The following CAPZA1 variants were observed in gnomAD, a reference collection of about 807,000 sequenced individuals.
CAPZA1 encodes F-actin-capping protein subunit alpha-1.
Under a neutral mutation model 40.8 loss-of-function variants are expected in CAPZA1, and 10 were observed. The ratio of observed to expected loss-of-function variants is 0.25; its 90% CI spans 0.15 to 0.42. The LOEUF (loss-of-function observed/expected upper bound fraction) is 0.42, where lower values mean the gene tolerates loss of function less well. CAPZA1 is among the 10% of genes least tolerant of loss of function. The probability of loss-of-function intolerance (pLI) is 1.00; values close to 1 mark genes in which losing one functional copy is unlikely to be tolerated. For missense variants in CAPZA1, 277 were observed against 353.8 expected (o/e 0.78, Z 1.74); for synonymous variants, 98 against 115.0 (o/e 0.85, Z 0.95).
intron 1 of CAPZA1, among the ~76,000 whole-genome samples, chr1:112,630,883 C>CT (rs886426792): frequency 1.1e-4 from 16 of 152,208 alleles, no homozygotes; most frequent in African/African-American, 3.6e-4. Context: ...AGCCAAGGTG[C>CT]TTACTGTATG....
intron 3 of CAPZA1, among the ~76,000 whole-genome samples, chr1:112,650,937 T>C (rs1671375641): frequency 6.6e-6 from 1 of 152,250 alleles, no homozygotes; most frequent in Admixed American, 6.5e-5. Context: ...TTATAGACTA[T>C]AGGTTCTTGG....
chr1:112,626,156 CA>C, intron 1 of CAPZA1: 1 of 152,270 alleles, frequency 6.6e-6, no homozygotes, highest in South Asian at 2.1e-4. Context: ...CTCTACTTCT[CA>C]AAGGGGTAGA....
intron 8 of CAPZA1, among the ~76,000 whole-genome samples, chr1:112,668,527 C>T (rs1469448989): frequency 1.3e-5 from 2 of 152,128 alleles, no homozygotes; most frequent in African/African-American, 2.4e-5. Context: ...AAGTTTCGCT[C>T]TTGTTGCCCA....
rs35996522 is a variant in CAPZA1, at chr1:112,652,479, C to CAA, written c.156-1103_156-1102dup. ...GGGCAACAAGAGCTAAACTCCATCT[C>CAA]AAAAAAAAAAAAAAAAAGCTTTAAA... On this transcript the variant is annotated intron_variant, in intron 3 of 9. Coordinates refer to ENST00000263168, the MANE Select transcript of CAPZA1 (RefSeq NM_006135.3). Among the ~76,000 whole-genome samples, 371 of 73,262 alleles carry CAA rather than the reference C, an allele frequency of 5.1e-3. 2 individuals are homozygous for CAA. The highest frequency in any genetic ancestry group is 0.018 in the East Asian group (58 of 3,302). 48.1% of individuals were successfully genotyped at this position (73,262 alleles called of 152,430 possible). A position where few individuals can be genotyped will look rare whatever the true frequency, so the allele number is the denominator to read the frequency against.
At chr1:112,626,644 G>T (rs936359446) in intron 1 of CAPZA1, among the ~76,000 whole-genome samples, 1 of 152,040 alleles carries the variant, frequency 6.6e-6, no homozygotes, top group East Asian at 1.9e-4. Context: ...TTTCACTCAG[G>T]ACCTTTTTTT....
At chr1:112,660,405 C>T (rs1055279403) in intron 7 of CAPZA1, among the ~76,000 whole-genome samples, 6 of 152,268 alleles carry the variant, frequency 3.9e-5, no homozygotes, top group African/African-American at 9.6e-5. Context: ...CTCGGCCTCC[C>T]GAGTAGCTGG....
Position 112,653,591 on chromosome 1 carries a change from A to G in CAPZA1, c.156-7A>G, listed in dbSNP as rs756490681. 182 of 1,552,348 alleles carry G rather than the reference A, an allele frequency of 1.2e-4. No individual in the cohort carries two copies. Among genetic ancestry groups the G allele is most frequent in the Non-Finnish European group, 1.6e-4 (180 of 1,149,810 alleles). On this transcript the variant is annotated splice_region_variant and splice_polypyrimidine_tract_variant and intron_variant, in intron 3 of 9. Transcript: ENST00000263168. ...TTTTTTTTTAAAAAACTTTTAAAAAAAAACAGTGCATTTGCCCAGTATAAC... is the reference window on the plus strand; with the variant it reads ...TTTTTTTTTAAAAAACTTTTAAAAAGAAACAGTGCATTTGCCCAGTATAAC...
At chr1:112,622,522 G>C (rs1670696258) in intron 1 of CAPZA1, among the ~76,000 whole-genome samples, 1 of 152,096 alleles carries the variant, frequency 6.6e-6, no homozygotes, top group South Asian at 2.1e-4. Flanking sequence ...TCTTTTCATT[G>C]TCTATTTCCT....
chr1:112,664,498 A>G (rs1215836653), intron 7 of CAPZA1, among the ~76,000 whole-genome samples: 1 of 152,154 alleles, frequency 6.6e-6, no homozygotes, highest in African/African-American at 2.4e-5. Context: ...AATTTGACCT[A>G]ATTCAAATCC....
At chr1:112,658,003 CGGTGT>C (rs1445950066) in intron 5 of CAPZA1, among the ~76,000 whole-genome samples, 7 of 152,170 alleles carry the variant, frequency 4.6e-5, no homozygotes, top group Non-Finnish European at 1.0e-4. Flanking sequence ...ACACAGACTT[CGGTGT>C]CACAAAAACA....
At chr1:112,645,661 T>A (rs1280446196) in intron 1 of CAPZA1, among the ~76,000 whole-genome samples, 1 of 138,450 alleles carries the variant, frequency 7.2e-6, no homozygotes, top group Non-Finnish European at 1.5e-5. Flanking sequence ...AAAAATTAAA[T>A]AAGTAGTTAG....
intron 1 of CAPZA1, among the ~76,000 whole-genome samples, chr1:112,644,487 C>G (rs1010255704): frequency 1.2e-4 from 19 of 152,118 alleles, no homozygotes; most frequent in African/African-American, 4.6e-4. Context: ...GCCACTGCAC[C>G]TGGCCCCAGC....
At chr1:112,639,930 C>CT (rs1671105274) in intron 1 of CAPZA1, among the ~76,000 whole-genome samples, 1 of 98,134 alleles carries the variant, frequency 1.0e-5, no homozygotes, top group Non-Finnish European at 2.3e-5. Flanking sequence ...GTCAGCCCCC[C>CT]GCCCGGCCAG....
intron 1 of CAPZA1, among the ~76,000 whole-genome samples, chr1:112,638,934 A>ATAGATG (rs1400103364): frequency 6.7e-6 from 1 of 149,424 alleles, no homozygotes; most frequent in Non-Finnish European, 1.5e-5. Flanking sequence ...AGATATAGAT[A>ATAGATG]TAGGTATAGA....
intron 1 of CAPZA1, among the ~76,000 whole-genome samples, chr1:112,646,288 T>A (rs1465157607): frequency 6.6e-6 from 1 of 152,146 alleles, no homozygotes; most frequent in African/African-American, 2.4e-5. Flanking sequence ...TGTTTAAAGT[T>A]GATGACTTAG....
chr1:112,656,440 A>ATT lies in CAPZA1; in HGVS notation c.426+1794_426+1795dup, dbSNP rs56343358. Among the ~76,000 whole-genome samples the ATT allele has an allele frequency of 3.1e-3, 142 of 45,760 alleles. 37 individuals are homozygous for ATT. Among genetic ancestry groups the ATT allele is most frequent in the East Asian group, 9.3e-3 (13 of 1,400 alleles). The allele number at this position is 45,760 out of a possible 152,430, so 30.0% of individuals were successfully genotyped here. A position where few individuals can be genotyped will look rare whatever the true frequency, so the allele number is the denominator to read the frequency against. ...GTTAGGCTAGGTGTCATTATGTTTG[A>ATT]TTTTTTTTTTTTTTTTTTTTTTTTT... On this transcript the variant is annotated intron_variant, in intron 5 of 9. Transcript: ENST00000263168.
At chr1:112,652,977 A>G (rs747675982) in intron 3 of CAPZA1, among the ~76,000 whole-genome samples, 1 of 152,214 alleles carries the variant, frequency 6.6e-6, no homozygotes, top group Non-Finnish European at 1.5e-5. Context: ...TACTTGACTC[A>G]TGCTCAACTC....
intron 5 of CAPZA1, among the ~76,000 whole-genome samples, chr1:112,657,626 T>C (rs1671525423): frequency 1.3e-5 from 2 of 152,066 alleles, no homozygotes; most frequent in Admixed American, 6.6e-5. Flanking sequence ...AGTTTTGCTC[T>C]TTTTGCCCAG....
At chr1:112,626,421 C>T (rs900316567) in intron 1 of CAPZA1, among the ~76,000 whole-genome samples, 1 of 150,686 alleles carries the variant, frequency 6.6e-6, no homozygotes, top group African/African-American at 2.4e-5. Context: ...TAGTGAGATC[C>T]CGGTCTCTAC....
Sources: allele counts gnomAD v4.1 joint callset (sites outside exome capture counted in the v4.1 genomes callset), GRCh38; gene constraint gnomAD v4.1.1; transcripts MANE v1.5; gene names NCBI Gene and HGNC (gene_info 2026-07-23, HGNC 2026-07-21).